GAS7: variants seen among roughly 807,000 people sequenced by gnomAD.
GAS7 encodes the protein growth arrest specific 7.
Under a neutral mutation model 71.1 loss-of-function variants are expected in GAS7, and 28 were observed. The observed-to-expected ratio is 0.39, with a 90% CI of 0.29 to 0.54. The LOEUF is 0.54. GAS7 is among the 20% of genes least tolerant of loss of function. The probability of loss-of-function intolerance (pLI) is 0.62; values close to 1 mark genes in which losing one functional copy is unlikely to be tolerated. For synonymous variants in GAS7, 258 were observed against 245.8 expected (o/e 1.05, Z -0.46); for missense variants, 436 against 627.8 (o/e 0.69, Z 3.27).
At chr17:10,009,509 A>G (rs2071675512) in intron 2 of GAS7, among the ~76,000 whole-genome samples, 1 of 151,916 alleles carries the variant, frequency 6.6e-6, no homozygotes. Flanking sequence ...TTCGCTCACA[A>G]ACATAACACA....
chr17:10,071,167 C>A (rs972442223), intron 1 of GAS7, among the ~76,000 whole-genome samples: 17 of 151,900 alleles, frequency 1.1e-4, no homozygotes, highest in Non-Finnish European at 1.9e-4. Flanking sequence ...AAACTCCAAG[C>A]AGAGAGAGCC....
At chr17:9,947,112 T>C (rs2068817419) in intron 5 of GAS7, 129 bp from the exon 6 acceptor site, 1 of 600,330 alleles carries the variant, frequency 1.7e-6, no homozygotes, top group South Asian at 1.9e-5. Flanking sequence ...GATCTTCCCG[T>C]GCTCCAGGGG....
intron 1 of GAS7, among the ~76,000 whole-genome samples, chr17:10,171,642 C>T (rs72810926): frequency 0.12 from 17,544 of 152,190 alleles, 1,166 homozygotes; most frequent in Middle Eastern, 0.18. Flanking sequence ...TAATCACAGC[C>T]ACATGCTTCT....
intron 1 of GAS7, among the ~76,000 whole-genome samples, chr17:10,130,168 CA>C (rs531238905): frequency 1.3e-4 from 11 of 82,916 alleles, no homozygotes; most frequent in South Asian, 3.9e-4. Context: ...GACTCAGCCT[CA>C]AAAAAAAAAA....
intron 2 of GAS7, among the ~76,000 whole-genome samples, chr17:10,006,427 C>T (rs1339696419): frequency 4.2e-5 from 6 of 143,224 alleles, no homozygotes; most frequent in Non-Finnish European, 9.0e-5. Flanking sequence ...CCTCCTGGGT[C>T]CATGCCATTC....
chr17:10,092,681 A>T (rs1199675777), intron 1 of GAS7, among the ~76,000 whole-genome samples: 1 of 152,216 alleles, frequency 6.6e-6, no homozygotes, highest in Non-Finnish European at 1.5e-5. Flanking sequence ...TGAGGTCAGA[A>T]GTCCAAAACC....
intron 1 of GAS7, among the ~76,000 whole-genome samples, chr17:10,089,517 GTAA>G (rs1567586969): frequency 1.9e-5 from 2 of 104,788 alleles, no homozygotes. Context: ...AGAGAACACA[GTAA>G]AAAAAAAAAA....
At chr17:9,927,256 C>T (rs2068036560) in intron 9 of GAS7, among the ~76,000 whole-genome samples, 1 of 150,648 alleles carries the variant, frequency 6.6e-6, no homozygotes, top group Non-Finnish European at 1.5e-5. Context: ...CGAGACCAGC[C>T]TGGCCAACAT....
chr17:10,096,349 T>C (rs977532202), intron 1 of GAS7, among the ~76,000 whole-genome samples: 1 of 152,222 alleles, frequency 6.6e-6, no homozygotes, highest in Non-Finnish European at 1.5e-5. Context: ...CCAAGTTTTT[T>C]CTGTGCCTCC....
At chr17:9,966,295 C>A (rs374409515) in intron 4 of GAS7, among the ~76,000 whole-genome samples, 2 of 150,234 alleles carry the variant, frequency 1.3e-5, no homozygotes, top group East Asian at 3.9e-4. Flanking sequence ...ACCACGACCG[C>A]CCCCTCCCCC....
chr17:9,960,192 CTT>C (rs778589790), intron 4 of GAS7, among the ~76,000 whole-genome samples: 18 of 142,902 alleles, frequency 1.3e-4, no homozygotes, highest in Admixed American at 2.1e-4. Flanking sequence ...TGACCTTATT[CTT>C]TTTTTTTTTT....
intron 1 of GAS7, among the ~76,000 whole-genome samples, chr17:10,164,493 A>G (rs1256189365): frequency 1.3e-5 from 2 of 151,808 alleles, no homozygotes; most frequent in South Asian, 2.1e-4. Flanking sequence ...TTCAGAGAAA[A>G]TTGTCCTAGA....
In GAS7 at chr17:10,019,840, G is replaced by C. The variant is rs776894714; in HGVS notation, c.241C>G (p.Pro81Ala). 10 of 1,613,582 alleles carry C rather than the reference G, an allele frequency of 6.2e-6. No homozygotes were observed. The highest frequency in any genetic ancestry group is 7.6e-6 in the Non-Finnish European group (9 of 1,179,600). The change falls in exon 2 of 14, where the codon CCT becomes GCT. Residue 81 changes from proline to alanine, a missense_variant. Transcript: ENST00000432992. ...GEESQTVILP[P>A]GWQSYLSPQG... is the part of the protein sequence containing the mutation. ...GGCGACAGGTAGCTCTGCCAGCCAG[G>C]TGGAAGGATGACCGTCTGGCTTTCT...
chr17:9,997,933 A>G (rs1260976019), intron 2 of GAS7, among the ~76,000 whole-genome samples: 1 of 152,204 alleles, frequency 6.6e-6, no homozygotes, highest in East Asian at 1.9e-4. Context: ...CTCTCCTGGC[A>G]CCACTCCCCA....
At chr17:10,128,483 T>C (rs1005501771) in intron 1 of GAS7, among the ~76,000 whole-genome samples, 2 of 152,168 alleles carry the variant, frequency 1.3e-5, no homozygotes, top group African/African-American at 4.8e-5. Flanking sequence ...ATTCCAAAGC[T>C]AGCTGAGGCC....
chr17:10,115,304 G>A lies in GAS7; in HGVS notation c.183+82904C>T, dbSNP rs1006492163. The stretch of plus-strand genomic sequence containing the variant: ...ACGGAAGGAGGGAGGGGAGCCCCCC[G>A]TGGGACTGGCGGGTGCACAGGCGGG... On this transcript the variant is annotated intron_variant, in intron 1 of 13. Coordinates refer to ENST00000432992, the MANE Select transcript of GAS7 (RefSeq NM_201433.2). Among the ~76,000 whole-genome samples, 4 of 152,234 alleles carry A rather than the reference G, an allele frequency of 2.6e-5. No homozygotes were observed. The East Asian group carries it at 7.7e-4, about 29-fold the overall frequency.
rs376213876 is a variant in GAS7 at position 9,981,234 on chromosome 17, T to G, written c.385+570A>C. On this transcript the variant is annotated intron_variant, in intron 3 of 13. Coordinates refer to ENST00000432992, the MANE Select transcript of GAS7 (RefSeq NM_201433.2). The surrounding 1 kb of genome is among the most constrained non-coding windows in gnomAD (Gnocchi z 4.4). ...TTGAACCCAGAAGGGGAGGTTGCAG[T>G]GAGCCGAGACTGCACCACTGCACTC... is the stretch of plus-strand genomic sequence containing the variant. Among the ~76,000 whole-genome samples, 21 of 151,948 alleles carry G rather than the reference T, an allele frequency of 1.4e-4. No homozygotes were observed. The highest frequency in any genetic ancestry group is 4.8e-4 in the African/African-American group (20 of 41,388).
intron 1 of GAS7, among the ~76,000 whole-genome samples, chr17:10,131,432 G>A (rs2073996280): frequency 6.6e-6 from 1 of 152,198 alleles, no homozygotes; most frequent in Non-Finnish European, 1.5e-5. Context: ...AGACCAGCCT[G>A]GCCAACATGG....
chr17:10,013,663 C>G (rs1457323028), intron 2 of GAS7, among the ~76,000 whole-genome samples: 2 of 152,232 alleles, frequency 1.3e-5, no homozygotes, highest in Non-Finnish European at 2.9e-5. Flanking sequence ...TCCTGTTAGC[C>G]ATCTGGCCCA....
Sources: allele counts gnomAD v4.1 joint callset (sites outside exome capture counted in the v4.1 genomes callset), GRCh38; gene constraint gnomAD v4.1.1; non-coding constraint Gnocchi (gnomAD v3.1); transcripts MANE v1.5; gene names NCBI Gene and HGNC (gene_info 2026-07-23, HGNC 2026-07-21).